The following CCDC88A variants were observed in gnomAD, a reference collection of about 807,000 sequenced individuals.
CCDC88A encodes girdin.
CCDC88A carries 54 observed loss-of-function variants against 234.3 expected under a neutral mutation model. That is an observed-to-expected ratio of 0.23 (90% confidence interval 0.19 to 0.29). The LOEUF is 0.29. Among genes scored for constraint, CCDC88A ranks in the 10% least tolerant of loss-of-function variants. CCDC88A has a pLI of 1.00. For synonymous variants in CCDC88A, 753 were observed against 737.8 expected (o/e 1.02, Z -0.33); for missense variants, 1,832 against 2,123.4 (o/e 0.86, Z 2.70).
intron 3 of CCDC88A, among the ~76,000 whole-genome samples, chr2:55,377,628 G>A (rs1416667796): frequency 1.9e-4 from 28 of 151,188 alleles, no homozygotes; most frequent in Admixed American, 1.8e-3. Context: ...TATTTATTTA[G>A]AGACAGAGTC....
At chr2:55,390,793 G>T (rs1676511716) in intron 2 of CCDC88A, among the ~76,000 whole-genome samples, 1 of 152,262 alleles carries the variant, frequency 6.6e-6, no homozygotes, top group Middle Eastern at 3.4e-3. Flanking sequence ...CCAAAGAAAA[G>T]GGAGCTACAC....
chr2:55,344,573 T>C (rs1174216846), intron 10 of CCDC88A, 59 bp from the exon 11 acceptor site: 19 of 993,360 alleles, frequency 1.9e-5, no homozygotes, highest in Non-Finnish European at 2.7e-5. Flanking sequence ...TTATGGAACA[T>C]ACAGATTATC....
In CCDC88A at chr2:55,393,668, T is replaced by C. The variant is rs541549743; in HGVS notation, c.165-4782A>G. Among the ~76,000 whole-genome samples, 12 of 152,220 alleles carry C rather than the reference T, an allele frequency of 7.9e-5. 1 individual carries two copies. Among genetic ancestry groups the C allele is most frequent in the African/African-American group, 2.6e-4 (11 of 41,510 alleles). ...AACTTAGTTTACTCAGTTCATGTTCTTGGGTTTTCTAGGTTAAAAAAAAAT... is the reference window on the plus strand; with the variant it reads ...AACTTAGTTTACTCAGTTCATGTTCCTGGGTTTTCTAGGTTAAAAAAAAAT... On this transcript the variant is annotated intron_variant, in intron 2 of 32. Transcript: ENST00000436346.
intron 4 of CCDC88A, among the ~76,000 whole-genome samples, chr2:55,374,256 T>A (rs1673259868): frequency 6.6e-6 from 1 of 152,204 alleles, no homozygotes; most frequent in African/African-American, 2.4e-5. Flanking sequence ...TAATTCCAGC[T>A]ACTTGGGAGG....
intron 17 of CCDC88A, among the ~76,000 whole-genome samples, chr2:55,325,950 T>C (rs1459663345): frequency 6.6e-6 from 1 of 152,188 alleles, no homozygotes; most frequent in African/African-American, 2.4e-5. Flanking sequence ...TAGCAATTTT[T>C]TGATGAGTGC....
chr2:55,404,044 T>C lies in CCDC88A; in HGVS notation c.164+14772A>G, dbSNP rs1053343102. ...TCCCTTGACCAGTGACAGACTTATC[T>C]ACTATGGCTTTCACTCCCATACTAT... On this transcript the variant is annotated intron_variant, in intron 2 of 32. Coordinates refer to ENST00000436346, the MANE Select transcript of CCDC88A (RefSeq NM_001365480.1). 2.6e-5 allele frequency: 4 copies of C among 152,322 alleles called. No individual in the cohort carries two copies. In the South Asian group the frequency reaches 8.3e-4, roughly 32 times the overall value. The allele number at this position is 152,322 out of a possible 1,614,324, so 9.4% of individuals were successfully genotyped here.
In CCDC88A at chr2:55,288,160, GA is replaced by G. The variant is rs1679199374; in HGVS notation, c.*3039del. 1 of 152,532 alleles carries G rather than the reference GA, an allele frequency of 6.6e-6. No homozygotes were observed. Among genetic ancestry groups the G allele is most frequent in the South Asian group, 2.1e-4 (1 of 4,826 alleles). 9.4% of individuals were successfully genotyped at this position (152,532 alleles called of 1,614,324 possible). On this transcript the variant is annotated 3_prime_UTR_variant, in exon 33 of 33. Coordinates refer to ENST00000436346, the MANE Select transcript of CCDC88A (RefSeq NM_001365480.1). The stretch of plus-strand genomic sequence containing the variant: ...ACACTGAAAAAGAAAACCCTTAATA[GA>G]AAAGAAAAAGACAATTTAAAATTAG...
rs1679410588 is a variant in CCDC88A at position 55,291,123 on chromosome 2, A to C, written c.*77T>G. The C allele has an allele frequency of 6.6e-6, 1 of 152,574 alleles. No individual in the cohort carries two copies. The highest frequency in any genetic ancestry group is 1.5e-5 in the Non-Finnish European group (1 of 67,970). The allele number at this position is 152,574 out of a possible 1,614,324, so 9.5% of individuals were successfully genotyped here. Reference sequence around the variant, plus strand: ...TTGCTAGGTGTCTTGTTACTTCAGAAATAAAGGCTTCATACTGAGAAACTG... The same window carrying C: ...TTGCTAGGTGTCTTGTTACTTCAGACATAAAGGCTTCATACTGAGAAACTG... On this transcript the variant is annotated 3_prime_UTR_variant, in exon 33 of 33. Transcript: ENST00000436346.
chr2:55,328,461 T>A lies in CCDC88A; in HGVS notation c.2856-26A>T. 1 of 1,450,282 alleles carries A rather than the reference T, an allele frequency of 6.9e-7. No individual in the cohort carries two copies. The highest frequency in any genetic ancestry group is 1.4e-5 in the South Asian group (1 of 71,848). The allele number at this position is 1,450,282 out of a possible 1,614,324, so 89.8% of individuals were successfully genotyped here. On this transcript the variant is annotated intron_variant, in intron 16 of 32. Coordinates refer to ENST00000436346, the MANE Select transcript of CCDC88A (RefSeq NM_001365480.1). The surrounding 1 kb of genome is among the most constrained non-coding windows in gnomAD (Gnocchi z 4.3). Reference sequence around the variant, plus strand: ...CTATCCAAGTACAAAGTAATGTAGTTCATTATTGGAGGTCAGAAAATTATT... The same window carrying A: ...CTATCCAAGTACAAAGTAATGTAGTACATTATTGGAGGTCAGAAAATTATT...
rs373391914 is a variant in CCDC88A, at chr2:55,299,895, C to G, written c.4769G>C (p.Ser1590Thr). 4.3e-6 allele frequency: 7 copies of G among 1,613,658 alleles called. No homozygotes were observed. The highest frequency in any genetic ancestry group is 5.9e-6 in the Non-Finnish European group (7 of 1,179,716). Residue 1590 changes from serine (S) to threonine (T), a missense_variant, in exon 29 of 33, where the codon AGT becomes ACT. Physicochemically the swap from Ser to Thr is moderately conservative, Grantham distance 58 (BLOSUM62 1). Transcript: ENST00000436346. ...GCTATTGCTAGTGGATGTTCTGCCACTATCAAGGCTGGCTGGTCTTGAAGC... is the reference window on the plus strand; with the variant it reads ...GCTATTGCTAGTGGATGTTCTGCCAGTATCAAGGCTGGCTGGTCTTGAAGC... Reference protein sequence around the residue: ...VHASRPASLDSGRTSTSNSNN... With the variant: ...VHASRPASLDTGRTSTSNSNN...
rs754214757 is a variant in CCDC88A, at chr2:55,335,172, G to C, written c.1657-8C>G. On this transcript the variant is annotated splice_region_variant and splice_polypyrimidine_tract_variant and intron_variant, in intron 14 of 32. Transcript: ENST00000436346. The surrounding 1 kb of genome is among the most constrained non-coding windows in gnomAD (Gnocchi z 4.5). The stretch of plus-strand genomic sequence containing the variant: ...CTGTTCCAGTATCTTAATCTAATTT[G>C]AAAAGAAAATAATTAAAAGCTGTAA... The C allele has an allele frequency of 7.1e-7, 1 of 1,415,196 alleles. No individual in the cohort carries two copies. Among genetic ancestry groups the C allele is most frequent in the Admixed American group, 2.6e-5 (1 of 38,688 alleles). 87.7% of individuals were successfully genotyped at this position (1,415,196 alleles called of 1,614,324 possible).
intron 3 of CCDC88A, among the ~76,000 whole-genome samples, chr2:55,378,533 A>G (rs1324849614): frequency 6.6e-6 from 1 of 152,210 alleles, no homozygotes; most frequent in African/African-American, 2.4e-5. Context: ...ACAAAAGTAA[A>G]AAGTTTCAAA....
At chr2:55,400,922 C>T (rs984196834) in intron 2 of CCDC88A, among the ~76,000 whole-genome samples, 11 of 152,116 alleles carry the variant, frequency 7.2e-5, no homozygotes, top group African/African-American at 2.4e-4. Context: ...TTGCATGTCA[C>T]TATGATACAT....
chr2:55,398,350 C>T (rs2867180), intron 2 of CCDC88A, among the ~76,000 whole-genome samples: 76,868 of 152,084 alleles, frequency 0.51, 21,504 homozygotes, highest in Admixed American at 0.63. Context: ...GTTCCTATTT[C>T]TTTATAATCA....
In CCDC88A at chr2:55,349,504, T is replaced by C; in HGVS notation, c.882+14A>G. 6.3e-7 allele frequency: 1 copy of C among 1,579,918 alleles called. No homozygotes were observed. Among genetic ancestry groups the C allele is most frequent in the South Asian group, 1.1e-5 (1 of 89,096 alleles). On this transcript the variant is annotated intron_variant, in intron 9 of 32. Coordinates refer to ENST00000436346, the MANE Select transcript of CCDC88A (RefSeq NM_001365480.1). ...ACTTGGTGGTCCTAAATAACAGATA[T>C]TCCAGGTACAAACCTCTTGTTGCAG... is the stretch of plus-strand genomic sequence containing the variant.
intron 4 of CCDC88A, among the ~76,000 whole-genome samples, chr2:55,374,295 G>C (rs561172869): frequency 6.6e-6 from 1 of 152,268 alleles, no homozygotes; most frequent in South Asian, 2.1e-4. Flanking sequence ...TTGAACCCAG[G>C]AGGTTGAGGT....
chr2:55,383,617 C>G (rs1418335377), intron 3 of CCDC88A, among the ~76,000 whole-genome samples: 1 of 112,198 alleles, frequency 8.9e-6, no homozygotes, highest in African/African-American at 3.0e-5. Flanking sequence ...AGCGAGACTC[C>G]GTCTTAAAAA....
chr2:55,405,368 ACT>A (rs1475337030), intron 2 of CCDC88A: 1 of 151,484 alleles, frequency 6.6e-6, no homozygotes, highest in Non-Finnish European at 1.5e-5. Context: ...CACACAACTC[ACT>A]CTCTCAGCAC....
chr2:55,339,421 C>T, intron 13 of CCDC88A, 43 bp downstream of exon 13: 1 of 1,355,836 alleles, frequency 7.4e-7, no homozygotes, highest in Non-Finnish European at 1.0e-6. Context: ...TACACTTTTA[C>T]AAGTTTTTTT....
Sources: gnomAD v4.1 joint callset for allele counts (sites outside exome capture counted in the v4.1 genomes callset) on GRCh38, gnomAD v4.1.1 for gene constraint, Gnocchi (gnomAD v3.1) non-coding constraint, MANE v1.5 for transcripts, NCBI Gene and HGNC (gene_info 2026-07-23, HGNC 2026-07-21) for gene names.